Variants in ERBB4 observed in about 807,000 individuals in gnomAD.
ERBB4 encodes the protein receptor tyrosine-protein kinase erbB-4.
A neutral mutation model predicts 158.0 loss-of-function variants in ERBB4; 42 were observed. That is an observed-to-expected ratio of 0.27 (90% CI 0.21 to 0.34). ERBB4 has a LOEUF of 0.34. Among genes scored for constraint, ERBB4 ranks in the 10% least tolerant of loss-of-function variants. The pLI is 1.00. For missense variants in ERBB4, 1,333 were observed against 1,624.1 expected, an observed-to-expected ratio of 0.82 and a Z score of 3.08; for synonymous variants, 583 against 558.7, an observed-to-expected ratio of 1.04 and a Z score of -0.61.
intron 2 of ERBB4, among the ~76,000 whole-genome samples, chr2:212,099,921 T>A (rs1035911887): frequency 6.6e-6 from 1 of 152,100 alleles, no homozygotes; most frequent in African/African-American, 2.4e-5. Flanking sequence ...AAGATAACAG[T>A]GATCACACAG....
intron 2 of ERBB4, among the ~76,000 whole-genome samples, chr2:212,024,103 C>G (rs562256005): frequency 6.6e-6 from 1 of 151,950 alleles, no homozygotes; most frequent in African/African-American, 2.4e-5. Flanking sequence ...GACACAATCT[C>G]GATACCCAGG....
chr2:211,803,407 C>T (rs1011562020), intron 3 of ERBB4, among the ~76,000 whole-genome samples: 1 of 152,168 alleles, frequency 6.6e-6, no homozygotes, highest in African/African-American at 2.4e-5. Flanking sequence ...ACACTTCCTT[C>T]TTTTAAACAC....
In ERBB4 at chr2:211,874,177, G is replaced by T. The variant is rs9288443; in HGVS notation, c.421+73253C>A. The stretch of plus-strand genomic sequence containing the variant: ...AAACAAAAACAAAACAAAAAAACCT[G>T]CTGCTCTCATTTTTTTTCTCATTTT... On this transcript the variant is annotated intron_variant, in intron 3 of 27. Coordinates refer to ENST00000342788, the MANE Select transcript of ERBB4 (RefSeq NM_005235.3). Among the ~76,000 whole-genome samples, 5 of 152,070 alleles carry T rather than the reference G, an allele frequency of 3.3e-5. No individual in the cohort carries two copies. The South Asian group carries it at 1.0e-3, about 32-fold the overall frequency.
At chr2:212,487,062 C>A (rs1455659187) in intron 1 of ERBB4, among the ~76,000 whole-genome samples, 2 of 152,074 alleles carry the variant, frequency 1.3e-5, no homozygotes, top group Non-Finnish European at 2.9e-5. Context: ...ATCTCTTAAG[C>A]ATTTTTTTAA....
intron 12 of ERBB4, among the ~76,000 whole-genome samples, chr2:211,691,228 G>A (rs2072802566): frequency 6.6e-6 from 1 of 151,900 alleles, no homozygotes; most frequent in Non-Finnish European, 1.5e-5. Context: ...GGTAGCCTTG[G>A]GCAATTACTT....
At chr2:212,481,961 T>C (rs1007041080) in intron 1 of ERBB4, among the ~76,000 whole-genome samples, 1 of 152,230 alleles carries the variant, frequency 6.6e-6, no homozygotes, top group African/African-American at 2.4e-5. Context: ...GGCCTGGTAA[T>C]GGTAGCAGCA....
intron 1 of ERBB4, among the ~76,000 whole-genome samples, chr2:212,201,902 A>C (rs2082596221): frequency 6.6e-6 from 1 of 152,188 alleles, no homozygotes; most frequent in Admixed American, 6.5e-5. Context: ...GTTGGCACTT[A>C]TATGAATTAT....
At chr2:211,928,333 A>AC (rs2080075263) in intron 3 of ERBB4, among the ~76,000 whole-genome samples, 1 of 151,066 alleles carries the variant, frequency 6.6e-6, no homozygotes, top group African/African-American at 2.4e-5. Context: ...GCATCAACCC[A>AC]CCCCCGTAAC....
chr2:212,087,510 G>T (rs1326861448), intron 2 of ERBB4, among the ~76,000 whole-genome samples: 2 of 152,060 alleles, frequency 1.3e-5, no homozygotes, highest in African/African-American at 4.8e-5. Flanking sequence ...ACAAATGTTT[G>T]GTGAATTAAT....
Position 211,725,146 on chromosome 2 carries a change from G to A in ERBB4, c.671C>T (p.Pro224Leu), listed in dbSNP as rs1451769238. 1.2e-6 allele frequency: 2 copies of A among 1,614,070 alleles called. No individual in the cohort carries two copies. The highest frequency in any genetic ancestry group is 1.7e-5 in the Admixed American group (1 of 60,020). ...TCGATGGCAGCAGTCACTGACGTAAGGTCCGTAGCATCTGCCGTCACATTG... is the reference window on the plus strand; with the variant it reads ...TCGATGGCAGCAGTCACTGACGTAAAGTCCGTAGCATCTGCCGTCACATTG... ...AEQCDGRCYG[P>L]YVSDCCHREC... Residue 224 changes from proline to leucine, a missense_variant, in exon 6 of 28, where the codon CCT becomes CTT. By Grantham distance (98) the Pro-to-Leu change is moderately conservative. Coordinates refer to ENST00000342788, the MANE Select transcript of ERBB4 (RefSeq NM_005235.3).
chr2:211,667,850 A>T (rs151050699), intron 14 of ERBB4, among the ~76,000 whole-genome samples: 3 of 152,214 alleles, frequency 2.0e-5, no homozygotes, highest in African/African-American at 7.2e-5. Flanking sequence ...TTTAATATTT[A>T]AGTATACTGT....
rs959243193 is a variant in ERBB4 at position 211,786,774 on chromosome 2, A to G, written c.556+1251T>C. Among the ~76,000 whole-genome samples the G allele has an allele frequency of 2.6e-5, 4 of 152,146 alleles. No individual in the cohort carries two copies. The East Asian group carries it at 7.7e-4, about 29-fold the overall frequency. On this transcript the variant is annotated intron_variant, in intron 4 of 27. Transcript: ENST00000342788. ...ACCCAACCAATATCCACACCTCCCC[A>G]CCACTACCCTGCCAATATAATATGT...
intron 2 of ERBB4, among the ~76,000 whole-genome samples, chr2:212,015,298 C>A (rs1049216338): frequency 2.0e-5 from 3 of 151,236 alleles, no homozygotes; most frequent in African/African-American, 4.9e-5. Context: ...ATAAATAAAT[C>A]TTTTCCTTCC....
chr2:212,446,610 T>TATAC (rs1306059150), intron 1 of ERBB4, among the ~76,000 whole-genome samples: 2 of 47,060 alleles, frequency 4.2e-5, no homozygotes, highest in African/African-American at 6.4e-5. Context: ...TATATATATA[T>TATAC]ATATATATAT....
chr2:212,183,804 A>G (rs1173400423), intron 1 of ERBB4, among the ~76,000 whole-genome samples: 1 of 152,116 alleles, frequency 6.6e-6, no homozygotes, highest in Non-Finnish European at 1.5e-5. Flanking sequence ...TCATTTACAC[A>G]TAATTTTACT....
chr2:211,466,763 ATTC>A (rs928895625), intron 20 of ERBB4, among the ~76,000 whole-genome samples: 7 of 152,140 alleles, frequency 4.6e-5, no homozygotes, highest in African/African-American at 1.7e-4. Context: ...AAATGAGGAT[ATTC>A]TTATTATCTG....
chr2:212,012,415 ATTTTTTTTT>A (rs34430050), intron 2 of ERBB4, among the ~76,000 whole-genome samples: 1 of 126,572 alleles, frequency 7.9e-6, no homozygotes, highest in East Asian at 2.2e-4. Flanking sequence ...TAAGAACTGC[ATTTTTTTTT>A]TTTTTTTTTT....
chr2:211,434,812 C>T (rs548409111), intron 20 of ERBB4, among the ~76,000 whole-genome samples: 3 of 152,146 alleles, frequency 2.0e-5, no homozygotes, highest in Admixed American at 6.5e-5. Context: ...GCAATAAGAA[C>T]GTAAGTATCT....
At chr2:211,660,652 G>A (rs2071392148) in intron 15 of ERBB4, among the ~76,000 whole-genome samples, 1 of 152,164 alleles carries the variant, frequency 6.6e-6, no homozygotes, top group South Asian at 2.1e-4. Flanking sequence ...AACGGGGAAA[G>A]AAGGCATGAG....
Sources: allele counts gnomAD v4.1 joint callset (sites outside exome capture counted in the v4.1 genomes callset), GRCh38; gene constraint gnomAD v4.1.1; transcripts MANE v1.5; gene names NCBI Gene and HGNC (gene_info 2026-07-23, HGNC 2026-07-21).